The following SLC2A13 variants were observed in gnomAD, a reference collection of about 807,000 sequenced individuals.
The protein encoded by SLC2A13 is proton myo-inositol cotransporter.
A neutral mutation model predicts 64.4 loss-of-function variants in SLC2A13; 32 were observed. That is an observed-to-expected ratio of 0.50 (90% CI 0.37 to 0.67). The LOEUF (loss-of-function observed/expected upper bound fraction) is 0.67, where lower values mean the gene tolerates loss of function less well. SLC2A13 is among the 30% of genes least tolerant of loss of function. SLC2A13 has a pLI of 0.00. For missense variants in SLC2A13, 743 were observed against 829.2 expected, an observed-to-expected ratio of 0.90 and a Z score of 1.28; for synonymous variants, 338 against 327.1, an observed-to-expected ratio of 1.03 and a Z score of -0.36.
intron 4 of SLC2A13, among the ~76,000 whole-genome samples, chr12:39,947,702 C>T (rs1341623482): frequency 6.9e-6 from 1 of 144,746 alleles, no homozygotes; most frequent in Non-Finnish European, 1.5e-5. Flanking sequence ...GCTCAGTCGC[C>T]CAGGCTGGAG....
intron 3 of SLC2A13, among the ~76,000 whole-genome samples, chr12:39,978,233 C>T (rs922301610): frequency 6.6e-6 from 1 of 152,194 alleles, no homozygotes; most frequent in Admixed American, 6.5e-5. Context: ...TCCATCTCCC[C>T]CAAATGGAAG....
chr12:39,926,866 C>T (rs1006180202), intron 4 of SLC2A13, among the ~76,000 whole-genome samples: 1 of 152,186 alleles, frequency 6.6e-6, no homozygotes, highest in African/African-American at 2.4e-5. Flanking sequence ...TCTCCTGCCT[C>T]GGCCTCCCAA....
chr12:39,793,962 G>T (rs1941487112), intron 7 of SLC2A13, among the ~76,000 whole-genome samples: 1 of 151,630 alleles, frequency 6.6e-6, no homozygotes, highest in African/African-American at 2.4e-5. Context: ...GTCCACCTTG[G>T]CCAAGAAGAG....
chr12:39,812,580 C>T (rs1942209159), intron 7 of SLC2A13, among the ~76,000 whole-genome samples: 1 of 151,848 alleles, frequency 6.6e-6, no homozygotes, highest in African/African-American at 2.4e-5. Context: ...TCAAGCGATT[C>T]TCCTGCCTCA....
intron 1 of SLC2A13, among the ~76,000 whole-genome samples, chr12:40,077,070 T>C (rs1020230605): frequency 2.0e-5 from 3 of 152,202 alleles, no homozygotes; most frequent in South Asian, 2.1e-4. Context: ...GTTGGATGCA[T>C]AGTTTGCAAA....
chr12:39,772,352 TGCTTG>T (rs1940613442), intron 7 of SLC2A13, among the ~76,000 whole-genome samples: 1 of 152,148 alleles, frequency 6.6e-6, no homozygotes, highest in Non-Finnish European at 1.5e-5. Flanking sequence ...AGGTGATAAC[TGCTTG>T]GCACATAGAA....
chr12:40,080,366 T>A (rs1387054945), intron 1 of SLC2A13, among the ~76,000 whole-genome samples: 1 of 152,132 alleles, frequency 6.6e-6, no homozygotes, highest in African/African-American at 2.4e-5. Flanking sequence ...GCCTTCAAAG[T>A]GGGCATTTAT....
At chr12:39,778,411 G>A (rs1940854687) in intron 7 of SLC2A13, among the ~76,000 whole-genome samples, 1 of 152,126 alleles carries the variant, frequency 6.6e-6, no homozygotes, top group Non-Finnish European at 1.5e-5. Context: ...CTGGGGGAAA[G>A]TGTCTCATAT....
At chr12:39,964,015 G>A (rs1946461658) in intron 3 of SLC2A13, among the ~76,000 whole-genome samples, 1 of 152,142 alleles carries the variant, frequency 6.6e-6, no homozygotes, top group Admixed American at 6.5e-5. Flanking sequence ...GATTCCGGAA[G>A]TATGACTACT....
chr12:40,056,616 AC>A (rs560092031), intron 1 of SLC2A13, among the ~76,000 whole-genome samples: 5 of 152,196 alleles, frequency 3.3e-5, no homozygotes, highest in Non-Finnish European at 7.3e-5. Flanking sequence ...TGTTCTAAGA[AC>A]AACAGTGTGG....
chr12:40,006,789 A>T (rs995331032), intron 3 of SLC2A13, among the ~76,000 whole-genome samples: 1 of 152,192 alleles, frequency 6.6e-6, no homozygotes, highest in Non-Finnish European at 1.5e-5. Context: ...GTGGTTTACA[A>T]GAATAAACCC....
chr12:40,086,855 C>A (rs769113618), intron 1 of SLC2A13, among the ~76,000 whole-genome samples: 1 of 152,176 alleles, frequency 6.6e-6, no homozygotes, highest in Non-Finnish European at 1.5e-5. Flanking sequence ...TGTGGGAGAC[C>A]TGTCAAGCTC....
intron 3 of SLC2A13, among the ~76,000 whole-genome samples, chr12:40,003,677 G>A (rs1236321635): frequency 2.6e-5 from 4 of 151,142 alleles, no homozygotes; most frequent in Admixed American, 1.3e-4. Context: ...TATCATCGTG[G>A]GTTTTTTTTT....
At chr12:39,788,413 T>G (rs1941265801) in intron 7 of SLC2A13, among the ~76,000 whole-genome samples, 1 of 152,084 alleles carries the variant, frequency 6.6e-6, no homozygotes, top group African/African-American at 2.4e-5. Context: ...ACTAAATGAT[T>G]AAGGTGCAGC....
At chr12:39,927,838 A>G (rs1945754583) in intron 4 of SLC2A13, among the ~76,000 whole-genome samples, 1 of 152,334 alleles carries the variant, frequency 6.6e-6, no homozygotes, top group South Asian at 2.1e-4. Context: ...TTGTTTTTAT[A>G]TCAACACTTA....
rs558009548 is a variant in SLC2A13 at position 40,066,110 on chromosome 12, A to G, written c.557-17900T>C. ...AGAGCATCCTAATCGAAGTAACTAA[A>G]TGTAGAGGTTTGAGATTAAATATTT... On this transcript the variant is annotated intron_variant, in intron 1 of 9. Coordinates refer to ENST00000280871, the MANE Select transcript of SLC2A13 (RefSeq NM_052885.4). 2.0e-5 allele frequency among the ~76,000 whole-genome samples: 3 copies of G among 152,354 alleles called. No individual in the cohort carries two copies. The South Asian group carries it at 6.2e-4, about 32-fold the overall frequency.
intron 7 of SLC2A13, among the ~76,000 whole-genome samples, chr12:39,779,408 G>T (rs1592129701): frequency 6.6e-6 from 1 of 151,986 alleles, no homozygotes; most frequent in East Asian, 1.9e-4. Context: ...ATTTCCCTGG[G>T]TTTTTTGGGG....
rs888935338 is a variant in SLC2A13 at position 39,927,529 on chromosome 12, C to T, written c.1034+23728G>A. On this transcript the variant is annotated intron_variant, in intron 4 of 9. Coordinates refer to ENST00000280871, the MANE Select transcript of SLC2A13 (RefSeq NM_052885.4). ...ACAATTAATAAAATGTTTAATACTC[C>T]AAATTGCGTGTTCATTATATGTGGT... 2.6e-5 allele frequency among the ~76,000 whole-genome samples: 4 copies of T among 152,014 alleles called. No individual in the cohort carries two copies. The East Asian group carries it at 7.7e-4, about 29-fold the overall frequency.
intron 6 of SLC2A13, among the ~76,000 whole-genome samples, chr12:39,844,749 T>C (rs903195963): frequency 6.6e-6 from 1 of 152,046 alleles, no homozygotes; most frequent in Admixed American, 6.6e-5. Flanking sequence ...GAGCTTTTCA[T>C]GGATTTTGGA....
Sources: allele counts gnomAD v4.1 joint callset (sites outside exome capture counted in the v4.1 genomes callset), GRCh38; gene constraint gnomAD v4.1.1; transcripts MANE v1.5; gene names NCBI Gene and HGNC (gene_info 2026-07-23, HGNC 2026-07-21).